GPR161: variants seen among roughly 807,000 people sequenced by gnomAD.
GPR161 encodes G-protein coupled receptor RE2.
Under a neutral mutation model 39.2 loss-of-function variants are expected in GPR161, and 25 were observed. The ratio of observed to expected loss-of-function variants is 0.64; its 90% CI spans 0.47 to 0.89. The LOEUF is 0.89. Ranked by LOEUF, GPR161 falls within the 40% of genes least tolerant of loss-of-function variation. GPR161 has a pLI of 0.00. For missense variants in GPR161, 547 were observed against 677.8 expected, an observed-to-expected ratio of 0.81 and a Z score of 2.14; for synonymous variants, 286 against 276.6, an observed-to-expected ratio of 1.03 and a Z score of -0.34.
At chr1:168,102,912 TAAAAA>T (rs74372180) in intron 2 of GPR161, among the ~76,000 whole-genome samples, 43 of 147,134 alleles carry the variant, frequency 2.9e-4, no homozygotes, top group African/African-American at 1.0e-3. Context: ...AACTTTTTTT[TAAAAA>T]AAAATTATAT....
At chr1:168,090,317 A>T (rs1272753951) in intron 4 of GPR161, 1 of 385,476 alleles carries the variant, frequency 2.6e-6, no homozygotes, top group South Asian at 6.2e-5. Flanking sequence ...CAACCCCCTA[A>T]TAACACCGTG....
At chr1:168,128,292 A>C (rs757789214) in intron 1 of GPR161, among the ~76,000 whole-genome samples, 2 of 152,166 alleles carry the variant, frequency 1.3e-5, no homozygotes, top group Non-Finnish European at 2.9e-5. Context: ...TCACTATCCT[A>C]CATCACTGAT....
In GPR161 at chr1:168,104,454, C is replaced by G; in HGVS notation, c.374+23G>C. The stretch of plus-strand genomic sequence containing the variant: ...AGCGCCCGTCAGTAATCCCTCAATT[C>G]TCTAAGTCTGAGGCATGCTTACCGG... On this transcript the variant is annotated intron_variant, in intron 2 of 5. Transcript: ENST00000682931. The G allele has an allele frequency of 1.9e-6, 3 of 1,596,520 alleles. No individual in the cohort carries two copies. In the South Asian group the frequency reaches 3.4e-5, roughly 18 times the overall value.
At chr1:168,119,240 A>ATATATATG (rs1697922403) in intron 1 of GPR161, among the ~76,000 whole-genome samples, 2 of 112,896 alleles carry the variant, frequency 1.8e-5, no homozygotes, top group African/African-American at 9.0e-5. Flanking sequence ...ATATATATAT[A>ATATATATG]TACACATATA....
At chr1:168,091,809 C>T (rs1299650161) in intron 3 of GPR161, among the ~76,000 whole-genome samples, 3 of 152,034 alleles carry the variant, frequency 2.0e-5, no homozygotes, top group Non-Finnish European at 4.4e-5. Flanking sequence ...GATAACAAAA[C>T]GCTCTTAGAA....
At chr1:168,086,571 CT>C (rs925156749) in intron 5 of GPR161, among the ~76,000 whole-genome samples, 3 of 152,198 alleles carry the variant, frequency 2.0e-5, no homozygotes, top group Non-Finnish European at 4.4e-5. Context: ...GGAGGACCCC[CT>C]GGCAGTGCCT....
intron 1 of GPR161, among the ~76,000 whole-genome samples, chr1:168,129,487 C>G (rs1698830495): frequency 6.6e-6 from 1 of 152,102 alleles, no homozygotes; most frequent in Non-Finnish European, 1.5e-5. Context: ...GTGCCTGCTG[C>G]TGGGTGAAGG....
chr1:168,087,126 G>C (rs999378439), intron 5 of GPR161, among the ~76,000 whole-genome samples: 2 of 152,206 alleles, frequency 1.3e-5, no homozygotes, highest in African/African-American at 2.4e-5. Flanking sequence ...GGCTGCGGCA[G>C]AACTCATTCT....
chr1:168,105,044 C>A (rs1263807002), intron 1 of GPR161, 150 bp from the exon 2 acceptor site: 1 of 613,266 alleles, frequency 1.6e-6, no homozygotes, highest in African/African-American at 1.8e-5. Context: ...CCCACGTAAG[C>A]GCTACATAAG....
rs1695646965 is a variant in GPR161 at position 168,097,239 on chromosome 1, A to G, written c.375-7T>C. 6.2e-7 allele frequency: 1 copy of G among 1,601,298 alleles called. No homozygotes were observed. Among genetic ancestry groups the G allele is most frequent in the Non-Finnish European group, 8.5e-7 (1 of 1,171,192 alleles). On this transcript the variant is annotated splice_polypyrimidine_tract_variant and splice_region_variant and intron_variant, in intron 2 of 5. Transcript: ENST00000682931. ...GTACAGGACAGCATAGTAGCTAGAA[A>G]AGGGATGGAGGGAGGCAAGAGAGAG...
chr1:168,097,111 A>G lies in GPR161; in HGVS notation c.496T>C (p.Trp166Arg), dbSNP rs772484032. The change falls in exon 3 of 6, where the codon TGG becomes CGG. Residue 166 changes from tryptophan to arginine, a missense_variant. Trp to Arg is a moderately radical substitution (Grantham distance 101). Coordinates refer to ENST00000682931, the MANE Select transcript of GPR161 (RefSeq NM_001375883.1). Reference protein sequence around the residue: ...LIGCLPPLFGWSSVEFDEFKW... With the variant: ...LIGCLPPLFGRSSVEFDEFKW... Reference sequence around the variant, plus strand: ...AACTCGTCAAACTCCACGGATGACCAACCAAACAGGGGTGGCAGGCAGCCG... The same window carrying G: ...AACTCGTCAAACTCCACGGATGACCGACCAAACAGGGGTGGCAGGCAGCCG... 4 of 1,614,110 alleles carry G rather than the reference A, an allele frequency of 2.5e-6. No individual in the cohort carries two copies. The highest frequency in any genetic ancestry group is 3.4e-6 in the Non-Finnish European group (4 of 1,180,038).
intron 1 of GPR161, among the ~76,000 whole-genome samples, chr1:168,123,283 T>C (rs970806556): frequency 6.6e-6 from 1 of 152,010 alleles, no homozygotes; most frequent in Non-Finnish European, 1.5e-5. Flanking sequence ...TTGTATCTAC[T>C]AAAAACCAAA....
chr1:168,109,825 G>T lies in GPR161; in HGVS notation c.-44-4931C>A, dbSNP rs1696954200. On this transcript the variant is annotated intron_variant, in intron 1 of 5. Coordinates refer to ENST00000682931, the MANE Select transcript of GPR161 (RefSeq NM_001375883.1). The stretch of plus-strand genomic sequence containing the variant: ...CTACTAAAAATACAAAAATTAGCCA[G>T]GCATGGTGGCACACACCTGTAGTCC... Among the ~76,000 whole-genome samples the T allele has an allele frequency of 1.3e-5, 2 of 152,100 alleles. 1 individual carries two copies. The highest frequency in any genetic ancestry group is 4.1e-4 in the South Asian group (2 of 4,822).
At chr1:168,097,551 G>A (rs1347753117) in intron 2 of GPR161, among the ~76,000 whole-genome samples, 1 of 152,092 alleles carries the variant, frequency 6.6e-6, no homozygotes, top group Non-Finnish European at 1.5e-5. Flanking sequence ...TTATGCATTG[G>A]GCCAGATCAA....
intron 1 of GPR161, among the ~76,000 whole-genome samples, chr1:168,119,763 C>T (rs1166246634): frequency 6.6e-6 from 1 of 152,166 alleles, no homozygotes; most frequent in Non-Finnish European, 1.5e-5. Context: ...TTTCCCCATG[C>T]TGTTCTCATG....
chr1:168,081,674 G>C lies in GPR161; in HGVS notation c.*3857C>G, dbSNP rs543057079. ...CCATGTAATTGGAAGCACGGGATCT[G>C]AACTCATGACTTAACCATACCCACG... On this transcript the variant is annotated 3_prime_UTR_variant, in exon 6 of 6. Transcript: ENST00000682931. 2.2e-4 allele frequency: 34 copies of C among 152,368 alleles called. 1 individual carries two copies. The highest frequency in any genetic ancestry group is 2.0e-3 in the Admixed American group (30 of 15,304). The allele number at this position is 152,368 out of a possible 1,614,324, so 9.4% of individuals were successfully genotyped here. A position where few individuals can be genotyped will look rare whatever the true frequency, so the allele number is the denominator to read the frequency against.
rs275149 is a variant in GPR161, at chr1:168,090,628, A to G, written c.1140T>C (p.Gly380=). Residue 380 remains glycine, a synonymous_variant, in exon 4 of 6, where the codon GGT becomes GGC. Transcript: ENST00000682931. ...TGCTGCTGTGCCCCAGGGGCTGTCC[A>G]CCTGCCATGAGCGCAGTGAGGTGTG... ...LSPHLTALMA[G]GQPLGHSSST... The G allele has an allele frequency of 0.36, 568,548 of 1,599,612 alleles. 107,065 individuals are homozygous for G. Among genetic ancestry groups the G allele is most frequent in the African/African-American group, 0.64 (47,375 of 74,596 alleles).
chr1:168,136,096 G>T, intron 1 of GPR161: 1 of 1,262,920 alleles, frequency 7.9e-7, no homozygotes, highest in South Asian at 2.9e-5. Flanking sequence ...GGCTGGTCGA[G>T]TTCTCCCCTT....
intron 1 of GPR161, among the ~76,000 whole-genome samples, chr1:168,134,348 G>C (rs959160040): frequency 2.6e-5 from 4 of 152,172 alleles, no homozygotes; most frequent in Non-Finnish European, 4.4e-5. Context: ...CAAGGAAATA[G>C]ATTAAAACTA....
Sources: gnomAD v4.1 joint callset for allele counts (sites outside exome capture counted in the v4.1 genomes callset) on GRCh38, gnomAD v4.1.1 for gene constraint, MANE v1.5 for transcripts, NCBI Gene and HGNC (gene_info 2026-07-23, HGNC 2026-07-21) for gene names.